KRT16: variants seen among roughly 807,000 people sequenced by gnomAD.
KRT16 encodes keratin, type I cytoskeletal 16.
A neutral mutation model predicts 44.8 loss-of-function variants in KRT16; 42 were observed. The ratio of observed to expected loss-of-function variants is 0.94; its 90% CI spans 0.73 to 1.21. The LOEUF (loss-of-function observed/expected upper bound fraction) is 1.21, where lower values mean the gene tolerates loss of function less well. KRT16 is among the 50% of genes most tolerant of loss of function. The pLI is 0.00. For synonymous variants in KRT16, 226 were observed against 260.4 expected, an observed-to-expected ratio of 0.87 and a Z score of 1.27; for missense variants, 561 against 626.9, an observed-to-expected ratio of 0.89 and a Z score of 1.12.
At chr17:41,612,050 A>G in intron 1 of KRT16, 108 bp downstream of exon 1, 1 of 1,376,160 alleles carries the variant, frequency 7.3e-7, no homozygotes, top group South Asian at 1.2e-5. Context: ...CCACTCCCCA[A>G]AGGTGCCCAG....
intron 1 of KRT16, 50 bp downstream of exon 1, chr17:41,612,108 C>G: frequency 6.2e-7 from 1 of 1,605,388 alleles, no homozygotes; most frequent in Non-Finnish European, 8.5e-7. Flanking sequence ...ATCCCAAGGG[C>G]CACTGTAGCC....
In KRT16 at chr17:41,611,696, G is replaced by C. The variant is rs547733077; in HGVS notation, c.557C>G (p.Ala186Gly). Residue 186 changes from alanine to glycine, a missense_variant, in exon 2 of 8, where the codon GCG becomes GGG. By Grantham distance (60) the Ala-to-Gly change is moderately conservative. Transcript: ENST00000301653. ...ATTGTCAATCTGCAAAATGGGCTGC[G>C]CATTCTCAATGGTGGCCGCAATGAT... ...NKIIAATIEN[A>G]QPILQIDNAR... 2 of 1,611,040 alleles carry C rather than the reference G, an allele frequency of 1.2e-6. No homozygotes were observed. The highest frequency in any genetic ancestry group is 2.7e-5 in the African/African-American group (2 of 74,966).
chr17:41,611,228 C>T lies in KRT16; in HGVS notation c.774G>A (p.Glu258=). 1 of 1,614,032 alleles carries T rather than the reference C, an allele frequency of 6.2e-7. No individual in the cohort carries two copies. Residue 258 remains glutamate, a splice_region_variant and synonymous_variant, in exon 4 of 8, where the codon GAG becomes GAA. Coordinates refer to ENST00000301653, the MANE Select transcript of KRT16 (RefSeq NM_005557.4). ...LAYLRKNHEE[E]MLALRGQTGG... ...CGGTCTGACCTCTCAGAGCAAGCAT[C>T]TCCTGGGAAGGGATGGCAGGAGGCG... is the stretch of plus-strand genomic sequence containing the variant.
At position 41,612,694 on chromosome 17, in the gene KRT16, C is replaced by T. The variant is rs1178656005; in HGVS notation, c.-6G>A. On this transcript the variant is annotated 5_prime_UTR_variant, in exon 1 of 8. Coordinates refer to ENST00000301653, the MANE Select transcript of KRT16 (RefSeq NM_005557.4). ...TGGCGGCTGCAGGTGGTCATGGTGC[C>T]AAGGAGGGAGGTGAGCGAGTGAGCA... The T allele has an allele frequency of 1.3e-6, 2 of 1,589,308 alleles. No homozygotes were observed. The highest frequency in any genetic ancestry group is 1.7e-6 in the Non-Finnish European group (2 of 1,169,570).
At position 41,611,495 on chromosome 17, in the gene KRT16, C is replaced by T. The variant is rs1908197161; in HGVS notation, c.621G>A (p.Glu207=). The T allele has an allele frequency of 6.2e-7, 1 of 1,613,686 alleles. No individual in the cohort carries two copies. The highest frequency in any genetic ancestry group is 1.1e-5 in the South Asian group (1 of 91,062). The change falls in exon 3 of 8, where the codon GAG becomes GAA. Residue 207 remains glutamate, a synonymous_variant. Transcript: ENST00000301653. ...LAADDFRTKY[E]HELALRQTVE... Reference sequence around the variant, plus strand: ...CAGTCTGCCGCAGGGCCAGTTCATGCTCATACCTGGCAGGACAGAGGTCAG... The same window carrying T: ...CAGTCTGCCGCAGGGCCAGTTCATGTTCATACCTGGCAGGACAGAGGTCAG...
In KRT16 at chr17:41,611,492, A is replaced by G. The variant is rs4796681; in HGVS notation, c.624T>C (p.His208=). ...CCACAGTCTGCCGCAGGGCCAGTTC[A>G]TGCTCATACCTGGCAGGACAGAGGT... The part of the protein sequence containing the change: ...AADDFRTKYE[H]ELALRQTVEA... The change falls in exon 3 of 8, where the codon CAT becomes CAC. Residue 208 remains histidine, a synonymous_variant. Coordinates refer to ENST00000301653, the MANE Select transcript of KRT16 (RefSeq NM_005557.4). The G allele has an allele frequency of 0.62, 1,006,417 of 1,613,428 alleles. 320,358 individuals are homozygous for G. Among genetic ancestry groups the G allele is most frequent in the East Asian group, 1 (44,798 of 44,854 alleles).
At position 41,610,214 on chromosome 17, in the gene KRT16, C is replaced by T; in HGVS notation, c.1303G>A (p.Gly435Ser). ...CCCTCGCGGGAAGAATAGGATTGGC[C>T]AGATGCTTGCTGGGAGGAAAGGCTG... is the stretch of plus-strand genomic sequence containing the variant. ...DAHLSSQQAS[G>S]QSYSSREVFT... is the part of the protein sequence containing the mutation. Residue 435 changes from glycine (G) to serine (S), a missense_variant, in exon 7 of 8, where the codon GGC becomes AGC. Gly to Ser is a moderately conservative substitution (Grantham distance 56, BLOSUM62 0). Transcript: ENST00000301653. 1.2e-6 allele frequency: 2 copies of T among 1,613,976 alleles called. No individual in the cohort carries two copies. Among genetic ancestry groups the T allele is most frequent in the South Asian group, 2.2e-5 (2 of 91,076 alleles).
In KRT16 at chr17:41,612,689, G is replaced by A; in HGVS notation, c.-1C>T. On this transcript the variant is annotated 5_prime_UTR_variant, in exon 1 of 8. Coordinates refer to ENST00000301653, the MANE Select transcript of KRT16 (RefSeq NM_005557.4). ...TGAACTGGCGGCTGCAGGTGGTCATGGTGCCAAGGAGGGAGGTGAGCGAGT... is the reference window on the plus strand; with the variant it reads ...TGAACTGGCGGCTGCAGGTGGTCATAGTGCCAAGGAGGGAGGTGAGCGAGT... The A allele has an allele frequency of 6.3e-7, 1 of 1,592,538 alleles. No homozygotes were observed. The highest frequency in any genetic ancestry group is 8.5e-7 in the Non-Finnish European group (1 of 1,171,230).
At position 41,610,922 on chromosome 17, in the gene KRT16, T is replaced by G; in HGVS notation, c.991A>C (p.Ser331Arg). Residue 331 changes from serine (S) to arginine (R), a missense_variant, in exon 5 of 8, where the codon AGT becomes CGT. Transcript: ENST00000301653. ...SNSELVQSSR[S>R]EVTELRRVLQ... ...ACCCTCCGGAGCTCCGTCACCTCAC[T>G]GCGGCTGCTCTGTACCAGTTCGCTG... The G allele has an allele frequency of 6.2e-7, 1 of 1,614,172 alleles. No individual in the cohort carries two copies. The highest frequency in any genetic ancestry group is 2.2e-5 in the East Asian group (1 of 44,874).
chr17:41,611,262 A>C (rs1221594694), intron 3 of KRT16, 32 bp from the exon 4 acceptor site: 1 of 1,613,946 alleles, frequency 6.2e-7, no homozygotes, highest in East Asian at 2.2e-5. Flanking sequence ...CGGTCAGTTC[A>C]GCAGACTTCT....
rs770125361 is a variant in KRT16, at chr17:41,609,991, G to A, written c.1366C>T (p.Arg456Trp). 11 of 1,611,774 alleles carry A rather than the reference G, an allele frequency of 6.8e-6. No homozygotes were observed. Among genetic ancestry groups the A allele is most frequent in the Middle Eastern group, 2.2e-4 (1 of 4,458 alleles). The change falls in exon 8 of 8, where the codon CGG (arginine) becomes TGG (tryptophan). Residue 456 changes from arginine (R) to tryptophan (W), a missense_variant. Physicochemically the swap from Arg to Trp is moderately radical, Grantham distance 101 (BLOSUM62 -3). Transcript: ENST00000301653. The part of the protein sequence containing the change: ...SSSSSSSRQT[R>W]PILKEQSSSS... ...GAGCTCTGCTCCTTGAGGATGGGCC[G>A]GGTCTGACGGCTCGAAGAGGACGAG... is the stretch of plus-strand genomic sequence containing the variant.
Position 41,611,200 on chromosome 17 carries a change from C to A in KRT16, c.802G>T (p.Gly268Ter). 6.2e-7 allele frequency: 1 copy of A among 1,614,002 alleles called. No individual in the cohort carries two copies. Among genetic ancestry groups the A allele is most frequent in the Non-Finnish European group, 8.5e-7 (1 of 1,179,874 alleles). Reference protein sequence around the residue: ...EMLALRGQTGGDVNVEMDAAP... With the variant: ...EMLALRGQTG ...GCATCCATCTCCACGTTCACATCTC[C>A]GCCGGTCTGACCTCTCAGAGCAAGC... The change falls in exon 4 of 8, where the codon GGA becomes TGA. Residue 268 changes from glycine to a stop codon, truncating the protein, a stop_gained. Transcript: ENST00000301653. LOFTEE classifies it high-confidence loss of function.
intron 3 of KRT16, 33 bp downstream of exon 3, chr17:41,611,312 G>A: frequency 6.2e-7 from 1 of 1,613,950 alleles, no homozygotes; most frequent in African/African-American, 1.3e-5. Flanking sequence ...CACCAAACCA[G>A]CCTCCCACCC....
intron 5 of KRT16, 67 bp downstream of exon 5, chr17:41,610,787 G>A: frequency 6.2e-7 from 1 of 1,609,854 alleles, no homozygotes; most frequent in African/African-American, 1.3e-5. Flanking sequence ...CTAGACTGTG[G>A]CTTTTTGAGG....
rs1908155570 is a variant in KRT16 at position 41,610,562 on chromosome 17, G to A, written c.1060-11C>T. The stretch of plus-strand genomic sequence containing the variant: ...CTCCAGGGATGCTTTCTGCAAGTGA[G>A]AGAGAGAAAAAGAGTCCATGGAGGT... On this transcript the variant is annotated splice_polypyrimidine_tract_variant and intron_variant, in intron 5 of 7. Coordinates refer to ENST00000301653, the MANE Select transcript of KRT16 (RefSeq NM_005557.4). The A allele has an allele frequency of 6.2e-7, 1 of 1,611,936 alleles. No homozygotes were observed. The highest frequency in any genetic ancestry group is 8.5e-7 in the Non-Finnish European group (1 of 1,179,758).
At position 41,612,314 on chromosome 17, in the gene KRT16, A is replaced by C. The variant is rs774650244; in HGVS notation, c.375T>G (p.Asn125Lys). ...TGTCCAGGTAGGAGGCCAGGCGGTC[A>C]TTGAGGTTCTGCATGGTCACCTTCT... Reference protein sequence around the residue: ...GSEKVTMQNLNDRLASYLDKV... With the variant: ...GSEKVTMQNLKDRLASYLDKV... Residue 125 changes from asparagine to lysine, a missense_variant, in exon 1 of 8, where the codon AAT becomes AAG. Transcript: ENST00000301653. The C allele has an allele frequency of 1.2e-6, 2 of 1,614,132 alleles. No individual in the cohort carries two copies. The highest frequency in any genetic ancestry group is 2.2e-5 in the South Asian group (2 of 91,078).
chr17:41,610,086 G>A (rs1908132058), intron 7 of KRT16, 57 bp from the exon 8 acceptor site: 5 of 1,575,820 alleles, frequency 3.2e-6, no homozygotes, highest in Non-Finnish European at 4.4e-6. Context: ...TGACTCCAGG[G>A]CAGGGAGAAG....
chr17:41,611,293 T>C, intron 3 of KRT16, 52 bp downstream of exon 3: 1 of 1,613,872 alleles, frequency 6.2e-7, no homozygotes, highest in South Asian at 1.1e-5. Context: ...TGGGTGCATC[T>C]GGCAACCCCA....
In KRT16 at chr17:41,611,060, G is replaced by T. The variant is rs199605134; in HGVS notation, c.933+9C>A. The T allele has an allele frequency of 5.0e-6, 8 of 1,614,010 alleles. No homozygotes were observed. The highest frequency in any genetic ancestry group is 6.8e-6 in the Non-Finnish European group (8 of 1,179,874). On this transcript the variant is annotated intron_variant, in intron 4 of 7. Transcript: ENST00000301653. ...AGTGCTGCAGGCTCACTGCGGGCCCGAGCCCCACCTTGCTCAGGAACCAGG... is the reference window on the plus strand; with the variant it reads ...AGTGCTGCAGGCTCACTGCGGGCCCTAGCCCCACCTTGCTCAGGAACCAGG...
Sources: allele counts gnomAD v4.1 joint callset, GRCh38; gene constraint gnomAD v4.1.1; transcripts MANE v1.5; gene names NCBI Gene and HGNC (gene_info 2026-07-23, HGNC 2026-07-21).